The following SORBS2 variants were observed in gnomAD, a reference collection of about 807,000 sequenced individuals.
SORBS2 encodes the protein sorbin and SH3 domain-containing protein 2.
In SORBS2, 46 loss-of-function variants were observed where a neutral mutation model predicts 97.7. That is an observed-to-expected ratio of 0.47 (90% confidence interval 0.37 to 0.60). SORBS2 has a LOEUF of 0.60. Ranked by LOEUF, SORBS2 falls within the 20% of genes least tolerant of loss-of-function variation. The pLI is 0.00. For synonymous variants in SORBS2, 476 were observed against 473.4 expected (o/e 1.01, Z -0.07); for missense variants, 1,316 against 1,282.3 (o/e 1.03, Z -0.40).
intron 1 of SORBS2, among the ~76,000 whole-genome samples, chr4:185,908,119 T>G (rs2099252161): frequency 1.3e-5 from 2 of 151,592 alleles, no homozygotes. Context: ...TTTGCTTTCT[T>G]CTTCTTGATG....
chr4:185,607,238 G>A lies in SORBS2; in HGVS notation c.2796+4542C>T, dbSNP rs1256572421. 1 of 1,211,506 alleles carries A rather than the reference G, an allele frequency of 8.3e-7. No individual in the cohort carries two copies. The highest frequency in any genetic ancestry group is 3.5e-5 in the Admixed American group (1 of 28,558). The allele number at this position is 1,211,506 out of a possible 1,614,324, so 75.0% of individuals were successfully genotyped here. ...GTTGGGGCCAAAGGGTTTGCTGGTA[G>A]ACATGAGGCTGTCAGGGACAACCAG... On this transcript the variant is annotated intron_variant, in intron 12 of 14. Coordinates refer to ENST00000418609, the Ensembl canonical transcript of SORBS2. The surrounding 1 kb of genome is among the most constrained non-coding windows in gnomAD (Gnocchi z 5.2).
intron 2 of SORBS2, among the ~76,000 whole-genome samples, chr4:185,752,367 C>T (rs941898022): frequency 6.6e-6 from 1 of 152,162 alleles, no homozygotes; most frequent in Non-Finnish European, 1.5e-5. Flanking sequence ...GCTCCGCCTC[C>T]CGGGTTCGCG....
At chr4:185,827,024 TCACCATCAC>T (rs2099200290) in intron 1 of SORBS2, among the ~76,000 whole-genome samples, 1 of 150,942 alleles carries the variant, frequency 6.6e-6, no homozygotes, top group East Asian at 2.0e-4. Flanking sequence ...ATCATCATCA[TCACCATCAC>T]CACCATCATC....
chr4:185,888,482 C>T (rs567290205), intron 1 of SORBS2, among the ~76,000 whole-genome samples: 1 of 152,172 alleles, frequency 6.6e-6, no homozygotes, highest in Non-Finnish European at 1.5e-5. Context: ...GGGAGTGTAA[C>T]CCCACCTCCA....
chr4:185,593,928 C>T (rs377731908), exon 13 of SORBS2: 12 of 1,602,858 alleles, frequency 7.5e-6, no homozygotes, highest in Middle Eastern at 1.7e-4. Context: ...AAACACAGGA[C>T]GCTGTGGCTG....
At position 185,623,991 on chromosome 4, in the gene SORBS2, T is replaced by A; in HGVS notation, c.1138A>T (p.Arg380Trp). The change falls in exon 7 of 15, where the codon AGG becomes TGG. Residue 380 changes from arginine (R) to tryptophan (W), a missense_variant. Physicochemically the swap from Arg to Trp is moderately radical, Grantham distance 101 (BLOSUM62 -3). Coordinates refer to ENST00000418609, the Ensembl canonical transcript of SORBS2. The surrounding 1 kb of genome is among the most constrained non-coding windows in gnomAD (Gnocchi z 6.4). ...TGCTCGCTCTCGTACTGCAGAATCC[T>A]GGACTTCACGGAGCAGATCACCTCG... The A allele has an allele frequency of 6.2e-7, 1 of 1,614,238 alleles. No homozygotes were observed. Among genetic ancestry groups the A allele is most frequent in the Non-Finnish European group, 8.5e-7 (1 of 1,180,044 alleles).
chr4:185,933,260 G>A (rs1036139341), intron 1 of SORBS2: 3 of 152,160 alleles, frequency 2.0e-5, no homozygotes, highest in African/African-American at 7.2e-5. Flanking sequence ...ATGTCTACTC[G>A]AACGTTACAG....
chr4:185,652,114 A>G (rs138415934), intron 2 of SORBS2, among the ~76,000 whole-genome samples: 2,802 of 152,268 alleles, frequency 0.018, 41 homozygotes, highest in Non-Finnish European at 0.028. Flanking sequence ...CTGGGATTAC[A>G]GGTGTGTGCC....
chr4:185,615,581 A>G (rs2096615045), intron 9 of SORBS2, among the ~76,000 whole-genome samples: 1 of 151,016 alleles, frequency 6.6e-6, no homozygotes, highest in African/African-American at 2.4e-5. Flanking sequence ...CTTTTGATGT[A>G]CTGAAGCTTA....
intron 1 of SORBS2, among the ~76,000 whole-genome samples, chr4:185,785,961 C>T (rs2099054502): frequency 6.6e-6 from 1 of 152,130 alleles, no homozygotes; most frequent in Non-Finnish European, 1.5e-5. Flanking sequence ...ACCTGGCACA[C>T]TGGAATCATT....
intron 2 of SORBS2, among the ~76,000 whole-genome samples, chr4:185,750,152 C>T (rs2098790657): frequency 6.6e-6 from 1 of 152,250 alleles, no homozygotes; most frequent in African/African-American, 2.4e-5. Flanking sequence ...CTGCCACTCA[C>T]TAGACATGTA....
At chr4:185,599,940 G>A (rs1326502490) in intron 12 of SORBS2, among the ~76,000 whole-genome samples, 1 of 152,172 alleles carries the variant, frequency 6.6e-6, no homozygotes, top group Admixed American at 6.5e-5. Flanking sequence ...GGGGCATGCT[G>A]ACCCTACCCT....
chr4:185,859,378 C>T (rs1283223426), intron 1 of SORBS2, among the ~76,000 whole-genome samples: 1 of 152,184 alleles, frequency 6.6e-6, no homozygotes, highest in African/African-American at 2.4e-5. Flanking sequence ...GTGCCTGCCT[C>T]TCTCTTATCT....
At chr4:185,757,832 C>A (rs2153606101) in intron 2 of SORBS2, among the ~76,000 whole-genome samples, 1 of 152,306 alleles carries the variant, frequency 6.6e-6, no homozygotes, top group East Asian at 1.9e-4. Context: ...TGGAGAAGAT[C>A]AGGCTTAGGT....
At chr4:185,774,164 C>T (rs1449646343) in intron 2 of SORBS2, 2 of 152,304 alleles carry the variant, frequency 1.3e-5, no homozygotes, top group Non-Finnish European at 1.5e-5. Flanking sequence ...GGCCCCAAGG[C>T]ACACGGAGAT....
At chr4:185,656,491 A>G in intron 1 of SORBS2, 1 of 404,632 alleles carries the variant, frequency 2.5e-6, no homozygotes. Context: ...TCTATCCCTT[A>G]TTGTCTTGGC....
chr4:185,946,957 C>A lies in SORBS2; in HGVS notation c.-338+9239G>T, dbSNP rs2099274820. ...CAACCAAACCTCTCCCTGGGGTGTA[C>A]CCCAACAGATGGGTACCTGGCCCAT... On this transcript the variant is annotated intron_variant, in intron 1 of 20. Transcript: ENST00000284776. Among the ~76,000 whole-genome samples the A allele has an allele frequency of 2.0e-5, 3 of 152,216 alleles. 1 individual carries two copies. In the South Asian group the frequency reaches 6.2e-4, roughly 31 times the overall value.
chr4:185,607,018 G>A lies in SORBS2; in HGVS notation c.2796+4762C>T, dbSNP rs13117637. On this transcript the variant is annotated intron_variant, in intron 12 of 14. Coordinates refer to ENST00000418609, the Ensembl canonical transcript of SORBS2. This position sits in a 1 kb window ranked among gnomAD's most constrained non-coding sequence, Gnocchi z 5.2. ...TGCATGGTAAGGCTGGGCTGCAGCC[G>A]AGGCCACACCCGCGTGAGTGGAAGG... 478,258 of 1,008,466 alleles carry A rather than the reference G, an allele frequency of 0.47. 114,495 individuals carry two copies. Among genetic ancestry groups the A allele is most frequent in the African/African-American group, 0.6 (34,563 of 57,366 alleles). The allele number at this position is 1,008,466 out of a possible 1,614,324, so 62.5% of individuals were successfully genotyped here. A position where few individuals can be genotyped will look rare whatever the true frequency, so the allele number is the denominator to read the frequency against.
At chr4:185,806,606 C>A (rs958623660) in intron 1 of SORBS2, among the ~76,000 whole-genome samples, 10 of 151,142 alleles carry the variant, frequency 6.6e-5, no homozygotes, top group African/African-American at 2.4e-4. Flanking sequence ...TACAGGCGCC[C>A]GCCACTACGC....
Sources: allele counts gnomAD v4.1 joint callset (sites outside exome capture counted in the v4.1 genomes callset), GRCh38; gene constraint gnomAD v4.1.1; non-coding constraint Gnocchi (gnomAD v3.1); transcripts MANE v1.5; gene names NCBI Gene and HGNC (gene_info 2026-07-23, HGNC 2026-07-21).